The following OGG1 variants were observed in gnomAD, a reference collection of about 807,000 sequenced individuals.
OGG1 encodes 8-oxoguanine DNA glycosylase.
In OGG1, 35 loss-of-function variants were observed where a neutral mutation model predicts 42.3. The ratio of observed to expected loss-of-function variants is 0.83; its 90% CI spans 0.63 to 1.10. The LOEUF (loss-of-function observed/expected upper bound fraction) is 1.10. Among genes scored for constraint, OGG1 ranks in the 50% least tolerant of loss-of-function variants. The pLI is 0.00. For missense variants in OGG1, 484 were observed against 446.7 expected, an observed-to-expected ratio of 1.08 and a Z score of -0.75; for synonymous variants, 189 against 179.0, an observed-to-expected ratio of 1.06 and a Z score of -0.44.
downstream of OGG1, among the ~76,000 whole-genome samples, chr3:9,790,750 A>G (rs995451929): frequency 6.6e-6 from 1 of 152,230 alleles, no homozygotes; most frequent in Admixed American, 6.5e-5. Context: ...GGTAGGTCCT[A>G]TTATTCACCC....
downstream of OGG1, among the ~76,000 whole-genome samples, chr3:9,788,897 G>A (rs1178772881): frequency 4.0e-5 from 6 of 149,824 alleles, no homozygotes; most frequent in Non-Finnish European, 5.9e-5. Flanking sequence ...GTGCAGTGGC[G>A]TGATCTCGGC....
At chr3:9,774,562 A>G (rs1216915941) in intron 2 of OGG1, among the ~76,000 whole-genome samples, 2 of 152,198 alleles carry the variant, frequency 1.3e-5, no homozygotes, top group African/African-American at 4.8e-5. Flanking sequence ...ATGGCTTAAT[A>G]TATTTATTAT....
At chr3:9,756,335 A>G (rs1204273930) in intron 4 of OGG1, 136 bp from the exon 5 acceptor site, 2 of 835,130 alleles carry the variant, frequency 2.4e-6, no homozygotes, top group East Asian at 5.1e-5. Context: ...ATTCATAGAT[A>G]GTATCTGTTG....
downstream of OGG1, chr3:9,759,113 T>C: frequency 8.0e-7 from 1 of 1,248,232 alleles, no homozygotes; most frequent in Non-Finnish European, 1.2e-6. Flanking sequence ...CTGGCCAGGC[T>C]TAGCACTTGC....
intron 3 of OGG1, chr3:9,787,199 C>A (rs984407164): frequency 6.2e-7 from 1 of 1,614,166 alleles, no homozygotes; most frequent in Admixed American, 1.7e-5. Context: ...AGAGGCCTAC[C>A]TTTAGTGTCC....
At chr3:9,766,042 T>C (rs753397762) in exon 8 of OGG1, 1 of 1,605,400 alleles carries the variant, frequency 6.2e-7, no homozygotes, top group Non-Finnish European at 8.5e-7. Context: ...GCTCCAGAGA[T>C]GGTCACATGA....
In OGG1 at chr3:9,756,671, C is replaced by T. The variant is rs751729688; in HGVS notation, c.898+50C>T. ...TGGCAGTGGGCTGGGATGGTAGAAACTTCTCTCTCTCTTAGTCACCTCTCC... is the reference window on the plus strand; with the variant it reads ...TGGCAGTGGGCTGGGATGGTAGAAATTTCTCTCTCTCTTAGTCACCTCTCC... On this transcript the variant is annotated intron_variant, in intron 5 of 6. Transcript: ENST00000344629. The T allele has an allele frequency of 1.6e-5, 25 of 1,612,028 alleles. No homozygotes were observed. The South Asian group carries it at 2.3e-4, about 15-fold the overall frequency.
downstream of OGG1, among the ~76,000 whole-genome samples, chr3:9,768,103 A>G (rs569763083): frequency 1.2e-4 from 19 of 152,210 alleles, 1 homozygote; most frequent in African/African-American, 4.3e-4. Flanking sequence ...GCAGTACAAC[A>G]GATAAACCCC....
At chr3:9,769,547 C>G (rs1209178946), downstream of OGG1, among the ~76,000 whole-genome samples, 1 of 152,200 alleles carries the variant, frequency 6.6e-6, no homozygotes, top group East Asian at 1.9e-4. Context: ...CAAGCCCCCC[C>G]ACCCCATGGA....
chr3:9,759,950 G>A (rs2125570365), downstream of OGG1: 3 of 728,862 alleles, frequency 4.1e-6, no homozygotes, highest in South Asian at 5.5e-5. Context: ...TCTCTCTTAA[G>A]AAAAACATAT....
downstream of OGG1, among the ~76,000 whole-genome samples, chr3:9,766,900 G>A (rs911057514): frequency 1.3e-5 from 2 of 151,972 alleles, no homozygotes; most frequent in South Asian, 2.1e-4. Flanking sequence ...AGTGTCTCCC[G>A]GTGGCCTATG....
At chr3:9,765,658 G>T in intron 7 of OGG1, 1 of 1,373,882 alleles carries the variant, frequency 7.3e-7, no homozygotes, top group South Asian at 1.3e-5. Flanking sequence ...GCAATTTAAG[G>T]CTTAGAGAGT....
In OGG1 at chr3:9,755,034, A is replaced by G. The variant is rs146827732; in HGVS notation, c.747+149A>G. ...TATAAGTAGATGTTTTATGAGAGAA[A>G]AAAGCAGAGTGCAGAAAGAGTAGAA... On this transcript the variant is annotated intron_variant, in intron 4 of 6. Transcript: ENST00000344629. The G allele has an allele frequency of 7.6e-4, 522 of 689,170 alleles. No homozygotes were observed. The African/African-American group carries it at 8.2e-3, about 11-fold the overall frequency. 42.7% of individuals were successfully genotyped at this position (689,170 alleles called of 1,614,324 possible).
chr3:9,774,959 A>AT (rs201509950), intron 2 of OGG1, among the ~76,000 whole-genome samples: 4,386 of 142,842 alleles, frequency 0.031, 175 homozygotes, highest in Admixed American at 0.13. Context: ...TGTTTGAGTA[A>AT]TTTTTTTTTT....
Position 9,751,850 on chromosome 3 carries a change from A to G in OGG1, c.466A>G (p.Thr156Ala), listed in dbSNP as rs2077316410. The change falls in exon 3 of 7, where the codon ACT becomes GCT. Residue 156 changes from threonine (T) to alanine (A), a missense_variant. By Grantham distance (58) the Thr-to-Ala change is moderately conservative (BLOSUM62 0). Transcript: ENST00000344629. ...CTCCAACAACAACATCGCCCGCATC[A>G]CTGGCATGGTGGAGCGGCTGTGCCA... ...CSSNNNIARI[T>A]GMVERLCQAF... The G allele has an allele frequency of 3.7e-6, 6 of 1,614,054 alleles. No individual in the cohort carries two copies. The highest frequency in any genetic ancestry group is 5.1e-6 in the Non-Finnish European group (6 of 1,180,032).
At chr3:9,769,633 C>T (rs954070855), downstream of OGG1, among the ~76,000 whole-genome samples, 2 of 152,216 alleles carry the variant, frequency 1.3e-5, no homozygotes, top group African/African-American at 2.4e-5. Context: ...CTATTACCCA[C>T]TCAGTGTCCC....
chr3:9,781,411 G>C, intron 2 of OGG1: 1 of 430,282 alleles, frequency 2.3e-6, no homozygotes, highest in East Asian at 7.3e-5. Context: ...TACCCGTGAG[G>C]AAAATGAGGC....
downstream of OGG1, chr3:9,757,937 G>T: frequency 6.6e-7 from 1 of 1,511,610 alleles, no homozygotes; most frequent in South Asian, 1.3e-5. This position sits in a 1 kb window ranked among gnomAD's most constrained non-coding sequence, Gnocchi z 4.5. Context: ...TCTTGCAATT[G>T]TTCTGTTATT....
exon 4 of OGG1, chr3:9,787,841 G>A: frequency 3.1e-6 from 2 of 639,898 alleles, no homozygotes; most frequent in Middle Eastern, 3.0e-4. Context: ...GAGTGCTTTG[G>A]TGGAGGTAAC....
Sources: gnomAD v4.1 joint callset for allele counts (sites outside exome capture counted in the v4.1 genomes callset) on GRCh38, gnomAD v4.1.1 for gene constraint, Gnocchi (gnomAD v3.1) non-coding constraint, MANE v1.5 for transcripts, NCBI Gene and HGNC (gene_info 2026-07-23, HGNC 2026-07-21) for gene names.